The following MSH4 variants were observed in gnomAD, a reference collection of about 807,000 sequenced individuals.
The protein encoded by MSH4 is mutS homolog 4, also known as mutS protein homolog 4.
Under a neutral mutation model 113.7 loss-of-function variants are expected in MSH4, and 106 were observed. The ratio of observed to expected loss-of-function variants is 0.93; its 90% confidence interval spans 0.80 to 1.10. The LOEUF (loss-of-function observed/expected upper bound fraction) is 1.10. Ranked by LOEUF, MSH4 falls within the 50% of genes least tolerant of loss-of-function variation. The pLI, the probability that MSH4 is intolerant of heterozygous loss-of-function variation, is 0.00. For synonymous variants in MSH4, 368 were observed against 380.2 expected, an observed-to-expected ratio of 0.97 and a Z score of 0.37; for missense variants, 1,061 against 1,093.7, an observed-to-expected ratio of 0.97 and a Z score of 0.42.
At chr1:75,813,569 C>T (rs574245144) in intron 4 of MSH4, among the ~76,000 whole-genome samples, 2 of 151,992 alleles carry the variant, frequency 1.3e-5, no homozygotes, top group Non-Finnish European at 2.9e-5. Context: ...TCAGAGATGG[C>T]CTCATTGATA....
chr1:75,898,923 A>C (rs1652444162), intron 18 of MSH4, among the ~76,000 whole-genome samples: 1 of 152,148 alleles, frequency 6.6e-6, no homozygotes, highest in Middle Eastern at 3.2e-3. Context: ...ATGACATGGG[A>C]ATAATTTTTT....
intron 19 of MSH4, among the ~76,000 whole-genome samples, chr1:75,905,150 T>TG (rs1219642174): frequency 5.9e-5 from 9 of 151,802 alleles, no homozygotes; most frequent in Admixed American, 1.3e-4. Flanking sequence ...TTGTTGTTGT[T>TG]TTTTTTTAAA....
chr1:75,868,758 G>T (rs1010887530), intron 9 of MSH4, among the ~76,000 whole-genome samples: 9 of 152,196 alleles, frequency 5.9e-5, no homozygotes, highest in African/African-American at 4.8e-5. Context: ...CCCTGCACAT[G>T]TTCTTCTTGC....
intron 19 of MSH4, among the ~76,000 whole-genome samples, chr1:75,901,064 C>T (rs1209003072): frequency 6.6e-6 from 1 of 151,860 alleles, no homozygotes; most frequent in Non-Finnish European, 1.5e-5. Flanking sequence ...TATTTTGGGG[C>T]TACATGTGAT....
intron 19 of MSH4, among the ~76,000 whole-genome samples, chr1:75,910,972 T>A (rs1652775116): frequency 6.6e-6 from 1 of 152,136 alleles, no homozygotes; most frequent in South Asian, 2.1e-4. Context: ...TTATGTAGTT[T>A]GCCTACTCAG....
At chr1:75,846,246 A>G (rs1009594873) in intron 7 of MSH4, among the ~76,000 whole-genome samples, 1 of 152,186 alleles carries the variant, frequency 6.6e-6, no homozygotes, top group African/African-American at 2.4e-5. Context: ...GCTTCTTTCT[A>G]TACTAATATT....
chr1:75,835,575 C>T (rs1650809927), intron 7 of MSH4, among the ~76,000 whole-genome samples: 1 of 152,164 alleles, frequency 6.6e-6, no homozygotes, highest in Admixed American at 6.5e-5. Context: ...GTGGTATTCT[C>T]TAGCTAATTC....
At chr1:75,814,007 G>T (rs1487900100) in intron 4 of MSH4, among the ~76,000 whole-genome samples, 1 of 151,998 alleles carries the variant, frequency 6.6e-6, no homozygotes, top group East Asian at 1.9e-4. Context: ...ATGAAAACCG[G>T]AGTTAATAAG....
At chr1:75,842,373 A>G (rs1193700949) in intron 7 of MSH4, among the ~76,000 whole-genome samples, 1 of 152,130 alleles carries the variant, frequency 6.6e-6, no homozygotes, top group Non-Finnish European at 1.5e-5. Flanking sequence ...TCTGGAAAGA[A>G]AGGAAGGAAA....
At chr1:75,859,661 GA>G (rs1405283750) in intron 8 of MSH4, among the ~76,000 whole-genome samples, 1 of 152,154 alleles carries the variant, frequency 6.6e-6, no homozygotes, top group Admixed American at 6.5e-5. Flanking sequence ...TACATTTGCT[GA>G]GGAGTGTTTT....
At chr1:75,840,910 A>G (rs1472814102) in intron 7 of MSH4, among the ~76,000 whole-genome samples, 1 of 152,118 alleles carries the variant, frequency 6.6e-6, no homozygotes, top group Admixed American at 6.5e-5. Flanking sequence ...GAACACAGAG[A>G]AGGGAGTTGG....
chr1:75,837,310 T>C (rs914749024), intron 7 of MSH4, among the ~76,000 whole-genome samples: 1 of 152,010 alleles, frequency 6.6e-6, no homozygotes, highest in Non-Finnish European at 1.5e-5. Flanking sequence ...TAATTTTTTA[T>C]AGCAGCTTGA....
intron 6 of MSH4, among the ~76,000 whole-genome samples, chr1:75,818,680 T>C (rs1650343396): frequency 6.6e-6 from 1 of 152,174 alleles, no homozygotes; most frequent in Non-Finnish European, 1.5e-5. Flanking sequence ...AACTCTACTA[T>C]CAAATTCATA....
chr1:75,833,966 G>A (rs969770275), intron 7 of MSH4, among the ~76,000 whole-genome samples: 3 of 152,134 alleles, frequency 2.0e-5, no homozygotes, highest in Non-Finnish European at 4.4e-5. Context: ...ATTCTGCACA[G>A]CAAAAGAAAC....
chr1:75,812,886 T>A (rs1290802823), intron 4 of MSH4, among the ~76,000 whole-genome samples: 1 of 152,162 alleles, frequency 6.6e-6, no homozygotes, highest in African/African-American at 2.4e-5. Flanking sequence ...CCTAGGGATG[T>A]GGCTTTGAGC....
intron 15 of MSH4, among the ~76,000 whole-genome samples, chr1:75,886,840 TA>T (rs1557525411): frequency 0.014 from 15 of 1,100 alleles, no homozygotes; most frequent in Middle Eastern, 0.5. Flanking sequence ...ATATATATAT[TA>T]TATATATATA....
intron 7 of MSH4, among the ~76,000 whole-genome samples, chr1:75,828,976 C>T (rs775899372): frequency 6.6e-6 from 1 of 152,022 alleles, no homozygotes; most frequent in Non-Finnish European, 1.5e-5. Context: ...GCCCATGGAG[C>T]AGGGCAGGAC....
chr1:75,877,835 T>C (rs1238661206), intron 10 of MSH4, among the ~76,000 whole-genome samples: 5 of 152,212 alleles, frequency 3.3e-5, no homozygotes, highest in Admixed American at 3.3e-4. Flanking sequence ...CCACAATTTT[T>C]ATGACAGTTC....
intron 15 of MSH4, among the ~76,000 whole-genome samples, chr1:75,887,690 A>G (rs1652157093): frequency 1.3e-5 from 2 of 152,158 alleles, no homozygotes; most frequent in Non-Finnish European, 2.9e-5. Flanking sequence ...ATTCAAACCC[A>G]TGCAGCCTGA....
Sources: allele counts gnomAD v4.1 joint callset (sites outside exome capture counted in the v4.1 genomes callset), GRCh38; gene constraint gnomAD v4.1.1; transcripts MANE v1.5; gene names NCBI Gene and HGNC (gene_info 2026-07-23, HGNC 2026-07-21).